Variants in RELN observed in about 807,000 individuals in gnomAD.
RELN encodes reelin.
A neutral mutation model predicts 427.6 loss-of-function variants in RELN; 108 were observed. That is an observed-to-expected ratio of 0.25 (90% CI 0.22 to 0.30). RELN has a LOEUF of 0.30. Ranked by LOEUF, RELN falls within the 10% of genes least tolerant of loss-of-function variation. The pLI, the probability that RELN is intolerant of heterozygous loss-of-function variation, is 1.00. For synonymous variants in RELN, 1,524 were observed against 1,513.4 expected (o/e 1.01, Z -0.16); for missense variants, 3,715 against 4,302.8 (o/e 0.86, Z 3.82).
At position 103,768,547 on chromosome 7, in the gene RELN, G is replaced by T. The variant is rs139554775; in HGVS notation, c.544+8010C>A. Among the ~76,000 whole-genome samples, 974 of 152,244 alleles carry T rather than the reference G, an allele frequency of 6.4e-3. 3 individuals carry two copies. Among genetic ancestry groups the T allele is most frequent in the Non-Finnish European group, 9.0e-3 (613 of 68,024 alleles). On this transcript the variant is annotated intron_variant, in intron 4 of 64. Coordinates refer to ENST00000428762, the MANE Select transcript of RELN (RefSeq NM_005045.4). Reference sequence around the variant, plus strand: ...CCACACTGCCTCATCATGGTCCATAGCAAACATTCAGGGTTAAAGATTTTT... The same window carrying T: ...CCACACTGCCTCATCATGGTCCATATCAAACATTCAGGGTTAAAGATTTTT...
At chr7:103,475,071 A>G (rs1447641975) in intron 64 of RELN, among the ~76,000 whole-genome samples, 1 of 151,844 alleles carries the variant, frequency 6.6e-6, no homozygotes. Context: ...TCTGCCCTTT[A>G]TTTTTCTACA....
chr7:103,625,756 G>A (rs755228392), intron 20 of RELN, among the ~76,000 whole-genome samples: 2 of 149,970 alleles, frequency 1.3e-5, no homozygotes, highest in Non-Finnish European at 3.0e-5. Flanking sequence ...GGCTCAAAGA[G>A]GCTAAATAAA....
At chr7:103,771,975 C>G (rs1436236823) in intron 4 of RELN, among the ~76,000 whole-genome samples, 1 of 152,180 alleles carries the variant, frequency 6.6e-6, no homozygotes, top group Non-Finnish European at 1.5e-5. Flanking sequence ...TATCACTCTC[C>G]TGCTTCCTTC....
In RELN at chr7:103,910,356, A is replaced by C. The variant is rs188094599; in HGVS notation, c.337+6719T>G. On this transcript the variant is annotated intron_variant, in intron 2 of 64. Coordinates refer to ENST00000428762, the MANE Select transcript of RELN (RefSeq NM_005045.4). ...CTAGATATACAATCATGTCGCCTGC[A>C]AACAGGGACAATTTGATTTCCTCTT... 3.2e-3 allele frequency among the ~76,000 whole-genome samples: 473 copies of C among 149,342 alleles called. 5 individuals carry two copies. Among genetic ancestry groups the C allele is most frequent in the Middle Eastern group, 6.8e-3 (2 of 292 alleles).
At chr7:103,980,639 C>T (rs143998356) in intron 1 of RELN, among the ~76,000 whole-genome samples, 157 of 152,244 alleles carry the variant, frequency 1.0e-3, no homozygotes, top group African/African-American at 3.3e-3. Flanking sequence ...AGTTTATGCA[C>T]GCATAAAATG....
chr7:103,776,486 T>G, intron 4 of RELN, 71 bp downstream of exon 4: 1 of 1,460,330 alleles, frequency 6.8e-7, no homozygotes, highest in South Asian at 1.1e-5. Context: ...AATGCTTACT[T>G]GGTACATAGA....
intron 8 of RELN, among the ~76,000 whole-genome samples, chr7:103,720,900 C>T (rs994668763): frequency 2.0e-5 from 3 of 152,084 alleles, no homozygotes; most frequent in Admixed American, 6.6e-5. Context: ...AAGTTCTGCC[C>T]GCTATACGGT....
intron 19 of RELN, among the ~76,000 whole-genome samples, chr7:103,630,851 G>GTTT (rs869145881): frequency 1.5e-4 from 3 of 20,544 alleles, no homozygotes; most frequent in African/African-American, 6.1e-4. Flanking sequence ...TTATTTTTTT[G>GTTT]TTTTTTTTGT....
chr7:103,607,274 T>C (rs1176730382), intron 22 of RELN, among the ~76,000 whole-genome samples: 1 of 152,132 alleles, frequency 6.6e-6, no homozygotes, highest in Non-Finnish European at 1.5e-5. Context: ...AATCCACAGT[T>C]TAATGTGCTA....
intron 4 of RELN, among the ~76,000 whole-genome samples, chr7:103,755,623 A>ATAAAT (rs1369702149): frequency 1.5e-5 from 2 of 137,688 alleles, no homozygotes; most frequent in African/African-American, 5.7e-5. Flanking sequence ...AAAAATAAAA[A>ATAAAT]AAATAAAATA....
chr7:103,870,493 C>G (rs912010246), intron 2 of RELN, among the ~76,000 whole-genome samples: 2 of 151,948 alleles, frequency 1.3e-5, no homozygotes, highest in Non-Finnish European at 2.9e-5. Context: ...GTCCCTCTAA[C>G]GTGGCAAGAT....
chr7:103,945,769 A>G (rs1796208291), intron 1 of RELN, among the ~76,000 whole-genome samples: 1 of 152,180 alleles, frequency 6.6e-6, no homozygotes, highest in African/African-American at 2.4e-5. Flanking sequence ...AGATGATAAT[A>G]CCATATTTTT....
intron 12 of RELN, among the ~76,000 whole-genome samples, chr7:103,658,270 C>G (rs2117404885): frequency 6.6e-6 from 1 of 152,146 alleles, no homozygotes; most frequent in South Asian, 2.1e-4. Context: ...TGATGTGAAC[C>G]AAGGGCAGAA....
chr7:103,871,935 ACG>A (rs1441337738), intron 2 of RELN, among the ~76,000 whole-genome samples: 1 of 151,688 alleles, frequency 6.6e-6, no homozygotes, highest in Non-Finnish European at 1.5e-5. Context: ...TTTTACTATT[ACG>A]CAAAGTAAAC....
chr7:103,815,783 C>T (rs1210386481), intron 3 of RELN, among the ~76,000 whole-genome samples: 1 of 152,202 alleles, frequency 6.6e-6, no homozygotes, highest in Non-Finnish European at 1.5e-5. Context: ...TGCAGCATTT[C>T]TTATAGACAT....
intron 1 of RELN, among the ~76,000 whole-genome samples, chr7:103,950,329 C>T (rs1352467778): frequency 6.6e-6 from 1 of 152,070 alleles, no homozygotes; most frequent in East Asian, 1.9e-4. Context: ...GACATAGTCA[C>T]ATTTATAATA....
rs1796702681 is a variant in RELN, at chr7:103,968,556, C to T, written c.226+20575G>A. Among the ~76,000 whole-genome samples the T allele has an allele frequency of 6.6e-6, 1 of 152,060 alleles. No individual in the cohort carries two copies. The highest frequency in any genetic ancestry group is 1.5e-5 in the Non-Finnish European group (1 of 68,018). On this transcript the variant is annotated intron_variant, in intron 1 of 64. Transcript: ENST00000428762. This position sits in a 1 kb window ranked among gnomAD's most constrained non-coding sequence, Gnocchi z 4.3. ...AAATGTAAAAAAGAAGAAATTAGAT[C>T]TCCTCAATGAGAGATCCAAGAAGAC...
intron 1 of RELN, among the ~76,000 whole-genome samples, chr7:103,918,315 T>A (rs1477609247): frequency 6.6e-6 from 1 of 152,190 alleles, no homozygotes; most frequent in Non-Finnish European, 1.5e-5. Context: ...AGTTGGGCAC[T>A]GAGGTAAGTA....
At chr7:103,907,084 T>C (rs991603767) in intron 2 of RELN, among the ~76,000 whole-genome samples, 2 of 152,120 alleles carry the variant, frequency 1.3e-5, no homozygotes, top group African/African-American at 2.4e-5. Context: ...TAGTGATATA[T>C]GTTATGCCAG....
Sources: gnomAD v4.1 joint callset for allele counts (sites outside exome capture counted in the v4.1 genomes callset) on GRCh38, gnomAD v4.1.1 for gene constraint, Gnocchi (gnomAD v3.1) non-coding constraint, MANE v1.5 for transcripts, NCBI Gene and HGNC (gene_info 2026-07-23, HGNC 2026-07-21) for gene names.